ROBO4: variants seen among roughly 807,000 people sequenced by gnomAD.
The protein encoded by ROBO4 is roundabout guidance receptor 4, also known as roundabout homolog 4.
A neutral mutation model predicts 103.3 loss-of-function variants in ROBO4; 80 were observed. That is an observed-to-expected ratio of 0.77 (90% confidence interval 0.65 to 0.93). The LOEUF (loss-of-function observed/expected upper bound fraction) is 0.93. Among genes scored for constraint, ROBO4 ranks in the 40% least tolerant of loss-of-function variants. The pLI is 0.00. For synonymous variants in ROBO4, 504 were observed against 529.7 expected (o/e 0.95, Z 0.67); for missense variants, 1,333 against 1,305.3 (o/e 1.02, Z -0.33).
rs1946889885 is a variant in ROBO4 at position 124,896,320 on chromosome 11, T to C, written c.559-2A>G. 1 of 1,613,750 alleles carries C rather than the reference T, an allele frequency of 6.2e-7. No individual in the cohort carries two copies. Among genetic ancestry groups the C allele is most frequent in the Admixed American group, 1.7e-5 (1 of 59,996 alleles). On this transcript the variant is annotated splice_acceptor_variant, in intron 3 of 17. Transcript: ENST00000306534. LOFTEE classifies it high-confidence loss of function. ...CATCAGCAGGGACCCCCCGGACACC[T>C]GTCAGGGCCAGGTTCACTGTGAAGT...
In ROBO4 at chr11:124,886,832, G is replaced by A; in HGVS notation, c.2436-10C>T. ...GGGAGAGACGCTGTTCCTAGGGAGA[G>A]GCAAAAGGGGAGACAGCAATGGTTT... On this transcript the variant is annotated splice_polypyrimidine_tract_variant and intron_variant, in intron 15 of 17. Coordinates refer to ENST00000306534, the MANE Select transcript of ROBO4 (RefSeq NM_019055.6). 6.5e-7 allele frequency: 1 copy of A among 1,528,808 alleles called. No individual in the cohort carries two copies. The highest frequency in any genetic ancestry group is 1.3e-5 in the South Asian group (1 of 77,674). The allele number at this position is 1,528,808 out of a possible 1,614,324, so 94.7% of individuals were successfully genotyped here.
At chr11:124,896,052 T>G in intron 4 of ROBO4, 140 bp from the exon 5 acceptor site, 1 of 1,518,792 alleles carries the variant, frequency 6.6e-7, no homozygotes, top group Non-Finnish European at 8.9e-7. Context: ...CGATTTCTAC[T>G]CTAGCAGGGG....
intron 7 of ROBO4, 103 bp from the exon 8 acceptor site, chr11:124,894,472 C>T: frequency 8.2e-7 from 1 of 1,212,330 alleles, no homozygotes; most frequent in Non-Finnish European, 1.1e-6. Flanking sequence ...TCTGCCCTGC[C>T]ATCCACTTGG....
In ROBO4 at chr11:124,885,241, G is replaced by A; in HGVS notation, c.2801C>T (p.Ser934Leu). Residue 934 changes from serine (S) to leucine (L), a missense_variant, in exon 17 of 18, where the codon TCA becomes TTA. Transcript: ENST00000306534. ...CTCATCCCGTGGGGAGGGAGGTGATGAGGCATCTGTCAGGGAGGGTAGAGG... is the reference window on the plus strand; with the variant it reads ...CTCATCCCGTGGGGAGGGAGGTGATAAGGCATCTGTCAGGGAGGGTAGAGG... ...READCVFIDA[S>L]SPPSPRDEIF... is the part of the protein sequence containing the mutation. 1 of 1,610,676 alleles carries A rather than the reference G, an allele frequency of 6.2e-7. No individual in the cohort carries two copies. The highest frequency in any genetic ancestry group is 8.5e-7 in the Non-Finnish European group (1 of 1,179,898).
intron 12 of ROBO4, among the ~76,000 whole-genome samples, chr11:124,889,329 T>C (rs1946766653): frequency 6.6e-6 from 1 of 152,162 alleles, no homozygotes; most frequent in Non-Finnish European, 1.5e-5. Flanking sequence ...GAGCACAAGT[T>C]GGTTGGCTGG....
intron 3 of ROBO4, 32 bp downstream of exon 3, chr11:124,896,481 G>A: frequency 6.2e-7 from 1 of 1,609,590 alleles, no homozygotes; most frequent in Non-Finnish European, 8.5e-7. Flanking sequence ...GCCCAGGCCA[G>A]GATGAAGTGT....
rs117573670 is a variant in ROBO4, at chr11:124,884,807, A to G, written c.*84T>C. 2.4e-5 allele frequency: 36 copies of G among 1,484,166 alleles called. No individual in the cohort carries two copies. Among genetic ancestry groups the G allele is most frequent in the Non-Finnish European group, 3.3e-5 (35 of 1,061,722 alleles). 91.9% of individuals were successfully genotyped at this position (1,484,166 alleles called of 1,614,324 possible). On this transcript the variant is annotated 3_prime_UTR_variant, in exon 18 of 18. Coordinates refer to ENST00000306534, the MANE Select transcript of ROBO4 (RefSeq NM_019055.6). Reference sequence around the variant, plus strand: ...CCCAGCTGCAGAGAAACACAGGCCAAGACCCACACACCACAGCCCAGGTCT... The same window carrying G: ...CCCAGCTGCAGAGAAACACAGGCCAGGACCCACACACCACAGCCCAGGTCT...
rs1784751649 is a variant in ROBO4, at chr11:124,893,520, G to A, written c.1547+168C>T. Among the ~76,000 whole-genome samples the A allele has an allele frequency of 2.0e-5, 3 of 152,312 alleles. No homozygotes were observed. In the South Asian group the frequency reaches 6.2e-4, roughly 32 times the overall value. On this transcript the variant is annotated intron_variant, in intron 10 of 17. Transcript: ENST00000306534. ...ACTAGTCTGTCAAGTGGTGTGATAG[G>A]AATATTAATGACAGAGAAATGAACT...
chr11:124,890,473 G>T (rs191960223), intron 12 of ROBO4, among the ~76,000 whole-genome samples: 1 of 152,294 alleles, frequency 6.6e-6, no homozygotes, highest in East Asian at 1.9e-4. Context: ...TTTCCTGAGG[G>T]AGCTCCAGAG....
rs1946739116 is a variant in ROBO4 at position 124,887,737 on chromosome 11, G to A, written c.2052C>T (p.Ser684=). 6.2e-7 allele frequency: 1 copy of A among 1,613,692 alleles called. No homozygotes were observed. Among genetic ancestry groups the A allele is most frequent in the Non-Finnish European group, 8.5e-7 (1 of 1,179,804 alleles). Reference sequence around the variant, plus strand: ...CTTTCAGGGACCCCCTCTCACCTGGGCTTTGGGAAAGGTTCTTGGAACCTC... The same window carrying A: ...CTTTCAGGGACCCCCTCTCACCTGGACTTTGGGAAAGGTTCTTGGAACCTC... ...GNRGSKNLSQ[S]PGAVPQALVA... is the part of the protein sequence containing the mutation. The change falls in exon 13 of 18, where the codon AGC becomes AGT. Residue 684 remains serine (S), a synonymous_variant. Transcript: ENST00000306534.
chr11:124,894,289 G>A lies in ROBO4; in HGVS notation c.1230C>T (p.Thr410=), dbSNP rs557391803. 9.3e-6 allele frequency: 15 copies of A among 1,614,074 alleles called. No individual in the cohort carries two copies. The South Asian group carries it at 1.6e-4, about 18-fold the overall frequency. ...VGEQTQLEIA[T]HMPGSYCVQV... ...GCACGCAGTAGGAGCCTGGCATATG[G>A]GTGGCGATTTCCAGCTGGGTCTGCT... The change falls in exon 8 of 18, where the codon ACC becomes ACT. Residue 410 remains threonine, a synonymous_variant. Transcript: ENST00000306534.
chr11:124,889,072 A>G (rs1166495121), intron 12 of ROBO4, among the ~76,000 whole-genome samples: 1 of 152,170 alleles, frequency 6.6e-6, no homozygotes, highest in East Asian at 1.9e-4. Flanking sequence ...TTTGGCATTG[A>G]CCAAGACCCC....
In ROBO4 at chr11:124,884,456, A is replaced by T; in HGVS notation, c.*435T>A. The T allele has an allele frequency of 4.8e-6, 1 of 208,928 alleles. No homozygotes were observed. The highest frequency in any genetic ancestry group is 9.6e-6 in the Non-Finnish European group (1 of 103,892). The allele number at this position is 208,928 out of a possible 1,614,324, so 12.9% of individuals were successfully genotyped here. ...GAGCTCTTCTCTAGAGGAGGGGCCC[A>T]GGTAAGGCTGAGAGGGGGCTCCGAG... On this transcript the variant is annotated 3_prime_UTR_variant, in exon 18 of 18. Transcript: ENST00000306534.
intron 16 of ROBO4, among the ~76,000 whole-genome samples, chr11:124,885,760 G>A (rs958811457): frequency 7.2e-5 from 11 of 152,132 alleles, no homozygotes; most frequent in Non-Finnish European, 7.4e-5. Context: ...CCAGTGGCTC[G>A]TCAGCCCCAG....
rs754643062 is a variant in ROBO4 at position 124,895,593 on chromosome 11, C to T, written c.900G>A (p.Glu300=). The T allele has an allele frequency of 1.2e-6, 2 of 1,613,646 alleles. No individual in the cohort carries two copies. The highest frequency in any genetic ancestry group is 2.2e-5 in the East Asian group (1 of 44,876). Residue 300 remains glutamate, a synonymous_variant, in exon 6 of 18, where the codon GAG becomes GAA. Coordinates refer to ENST00000306534, the MANE Select transcript of ROBO4 (RefSeq NM_019055.6). ...PGGQGAPWAE[E]LLAGWQSAEL... ...CTGCGCTCTGCCAGCCGGCCAGCAG[C>T]TCCTCTGCCCACGGAGCTCCCTGGC...
Position 124,895,923 on chromosome 11 carries a change from G to A in ROBO4, c.680-11C>T. On this transcript the variant is annotated splice_polypyrimidine_tract_variant and intron_variant, in intron 4 of 17. Coordinates refer to ENST00000306534, the MANE Select transcript of ROBO4 (RefSeq NM_019055.6). ...TGTAGTCCTGGGGCTCTGTGGGGAG[G>A]ATAGGGCTGGGCTGGGGCTTATAGG... 6.2e-7 allele frequency: 1 copy of A among 1,613,076 alleles called. No homozygotes were observed. Among genetic ancestry groups the A allele is most frequent in the Non-Finnish European group, 8.5e-7 (1 of 1,179,968 alleles).
chr11:124,897,487 C>A, intron 1 of ROBO4: 1 of 585,036 alleles, frequency 1.7e-6, no homozygotes. Context: ...CTCTCTCTCT[C>A]TCTCTCTTAC....
At position 124,896,266 on chromosome 11, in the gene ROBO4, G is replaced by A; in HGVS notation, c.611C>T (p.Thr204Ile). ...MARAEKSDEG[T>I]YMCVATNSAG... ...GCTGTTGGTGGCCACACACATGTAG[G>A]TCCCTTCGTCACTCTTCTCTGCTCT... Residue 204 changes from threonine to isoleucine, a missense_variant, in exon 4 of 18, where the codon ACC becomes ATC. Coordinates refer to ENST00000306534, the MANE Select transcript of ROBO4 (RefSeq NM_019055.6). 6.2e-7 allele frequency: 1 copy of A among 1,614,116 alleles called. No individual in the cohort carries two copies. The highest frequency in any genetic ancestry group is 8.5e-7 in the Non-Finnish European group (1 of 1,180,026).
At chr11:124,894,983 G>T in intron 7 of ROBO4, 98 bp downstream of exon 7, 3 of 931,142 alleles carry the variant, frequency 3.2e-6, no homozygotes, top group Non-Finnish European at 5.1e-6. Flanking sequence ...CTCTGCCCAG[G>T]TACCTTTCTC....
Sources: allele counts gnomAD v4.1 joint callset (sites outside exome capture counted in the v4.1 genomes callset), GRCh38; gene constraint gnomAD v4.1.1; transcripts MANE v1.5; gene names NCBI Gene and HGNC (gene_info 2026-07-23, HGNC 2026-07-21).